TGS1: variants seen among roughly 807,000 people sequenced by gnomAD.
The protein encoded by TGS1 is trimethylguanosine synthase 1, also known as trimethylguanosine synthase.
In TGS1, 69 loss-of-function variants were observed where a neutral mutation model predicts 92.2. The ratio of observed to expected loss-of-function variants is 0.75; its 90% CI spans 0.62 to 0.91. TGS1 has a LOEUF of 0.91. Ranked by LOEUF, TGS1 falls within the 40% of genes least tolerant of loss-of-function variation. The pLI, the probability that TGS1 is intolerant of heterozygous loss-of-function variation, is 0.00. For missense variants in TGS1, 1,062 were observed against 1,001.2 expected (o/e 1.06, Z -0.82); for synonymous variants, 345 against 338.1 (o/e 1.02, Z -0.22).
At chr8:55,799,881 C>T (rs1251791462) in intron 8 of TGS1, among the ~76,000 whole-genome samples, 1 of 152,020 alleles carries the variant, frequency 6.6e-6, no homozygotes, top group Non-Finnish European at 1.5e-5. Context: ...GGCTGGTTTC[C>T]TTTTGGTGTG....
intron 1 of TGS1, among the ~76,000 whole-genome samples, chr8:55,778,771 A>G (rs992066998): frequency 6.6e-6 from 1 of 152,208 alleles, no homozygotes; most frequent in African/African-American, 2.4e-5. Flanking sequence ...CTACTTGAAA[A>G]TGAAGCTGAT....
intron 12 of TGS1, among the ~76,000 whole-genome samples, chr8:55,814,167 CAAAATT>C (rs1178584262): frequency 6.6e-6 from 1 of 151,962 alleles, no homozygotes; most frequent in African/African-American, 2.4e-5. Context: ...ACACTGGTCT[CAAAATT>C]AAAGGCTCAA....
intron 1 of TGS1, among the ~76,000 whole-genome samples, chr8:55,781,753 T>C (rs2130112328): frequency 6.6e-6 from 1 of 152,348 alleles, no homozygotes; most frequent in East Asian, 1.9e-4. Context: ...GGATGTGAAA[T>C]AGAGCAAGTA....
chr8:55,791,626 C>G (rs1376731504), intron 5 of TGS1, among the ~76,000 whole-genome samples: 1 of 152,230 alleles, frequency 6.6e-6, no homozygotes, highest in African/African-American at 2.4e-5. Context: ...AACTAACTTT[C>G]TAAACAACGT....
Position 55,786,874 on chromosome 8 carries a change from C to T in TGS1, c.976C>T (p.Leu326=). The T allele has an allele frequency of 3.1e-6, 5 of 1,614,126 alleles. No individual in the cohort carries two copies. Among genetic ancestry groups the T allele is most frequent in the African/African-American group, 1.3e-5 (1 of 75,042 alleles). Residue 326 remains leucine, a synonymous_variant, in exon 4 of 13, where the codon CTG becomes TTG. Transcript: ENST00000260129. ...EILDGISNIK[L]NSEEVTQSQL... ...ACTTGATGGAATTAGTAACATAAAA[C>T]TGAATTCAGAGGAAGTAACACAGAG...
At chr8:55,817,878 A>G (rs1803527860) in intron 12 of TGS1, among the ~76,000 whole-genome samples, 1 of 152,248 alleles carries the variant, frequency 6.6e-6, no homozygotes, top group Non-Finnish European at 1.5e-5. Context: ...AATACCCTGC[A>G]TTCATACACT....
At chr8:55,819,194 C>G (rs1803564449) in intron 12 of TGS1, among the ~76,000 whole-genome samples, 1 of 152,078 alleles carries the variant, frequency 6.6e-6, no homozygotes, top group Admixed American at 6.5e-5. Context: ...CTTCAGCCTC[C>G]CAAAGTTCTG....
chr8:55,787,107 G>T, intron 4 of TGS1, 47 bp downstream of exon 4: 1 of 1,386,944 alleles, frequency 7.2e-7, no homozygotes, highest in Non-Finnish European at 9.9e-7. Context: ...TTAGCAAAAT[G>T]AATTCATTTA....
At chr8:55,784,217 A>G (rs1811647810) in intron 2 of TGS1, among the ~76,000 whole-genome samples, 1 of 152,216 alleles carries the variant, frequency 6.6e-6, no homozygotes. Context: ...TGAATGGCAT[A>G]TGTTCAATTA....
rs1245921896 is a variant in TGS1 at position 55,798,899 on chromosome 8, A to G, written c.1543-15A>G. 3.2e-6 allele frequency: 5 copies of G among 1,576,152 alleles called. No homozygotes were observed. Among genetic ancestry groups the G allele is most frequent in the Non-Finnish European group, 4.3e-6 (5 of 1,160,740 alleles). On this transcript the variant is annotated splice_polypyrimidine_tract_variant and intron_variant, in intron 7 of 12. Transcript: ENST00000260129. ...GGAATTAATTCCTGCTCATGATGTCATCTTAAAATTTAAGGTAGAAAAATT... is the reference window on the plus strand; with the variant it reads ...GGAATTAATTCCTGCTCATGATGTCGTCTTAAAATTTAAGGTAGAAAAATT...
intron 4 of TGS1, among the ~76,000 whole-genome samples, chr8:55,788,782 ATTAGTATTC>A (rs1228283387): frequency 6.6e-6 from 1 of 152,106 alleles, no homozygotes; most frequent in African/African-American, 2.4e-5. Context: ...AAGATTTTAT[ATTAGTATTC>A]TGATACTCTT....
chr8:55,794,018 C>CTATGGT (rs780772100), intron 6 of TGS1, among the ~76,000 whole-genome samples: 93 of 152,240 alleles, frequency 6.1e-4, no homozygotes, highest in Admixed American at 2.3e-3. Flanking sequence ...GTACCATAGA[C>CTATGGT]ACTCTTTCTT....
Position 55,804,901 on chromosome 8 carries a change from T to A in TGS1, c.2008T>A (p.Phe670Ile), listed in dbSNP as rs766376666. Residue 670 changes from phenylalanine (F) to isoleucine (I), a missense_variant, in exon 10 of 13, where the codon TTT (phenylalanine) becomes ATT (isoleucine). Transcript: ENST00000260129. ...ATACTCTTCCTTTGCAGAGGGCTGG[T>A]TTTCAGTTACACCCGAGAAGATTGC... is the stretch of plus-strand genomic sequence containing the variant. ...DGIKLDREGWFSVTPEKIAEH... is the reference protein window; with the variant it reads ...DGIKLDREGWISVTPEKIAEH... 1.2e-6 allele frequency: 2 copies of A among 1,613,576 alleles called. No individual in the cohort carries two copies. The highest frequency in any genetic ancestry group is 4.5e-5 in the East Asian group (2 of 44,852).
At chr8:55,774,433 TTTTAATATAG>T (rs1402377308) in intron 1 of TGS1, among the ~76,000 whole-genome samples, 2 of 152,372 alleles carry the variant, frequency 1.3e-5, no homozygotes, top group African/African-American at 4.8e-5. Context: ...TGTGATAGAC[TTTTAATATAG>T]TTTAATATAG....
At chr8:55,782,155 T>G (rs1213013705) in intron 1 of TGS1, among the ~76,000 whole-genome samples, 4 of 8,036 alleles carry the variant, frequency 5.0e-4, no homozygotes, top group Non-Finnish European at 1.1e-3. Flanking sequence ...ACTTTATTTA[T>G]TTATTTATTT....
chr8:55,814,674 A>AAATATATAT (rs1254531524), intron 12 of TGS1, among the ~76,000 whole-genome samples: 15 of 123,330 alleles, frequency 1.2e-4, no homozygotes, highest in African/African-American at 4.3e-4. Flanking sequence ...AAAAAAAAAA[A>AAATATATAT]ATATATATAT....
At chr8:55,794,034 T>C (rs1338061343) in intron 6 of TGS1, among the ~76,000 whole-genome samples, 3 of 152,190 alleles carry the variant, frequency 2.0e-5, no homozygotes, top group Admixed American at 6.5e-5. Flanking sequence ...TTCTTGTTGG[T>C]AGAAACATTT....
intron 12 of TGS1, among the ~76,000 whole-genome samples, chr8:55,818,093 A>G (rs10958470): frequency 0.13 from 19,510 of 152,218 alleles, 1,316 homozygotes; most frequent in African/African-American, 0.16. Context: ...CCACTGACAC[A>G]ATGTTCATTA....
At chr8:55,809,348 A>G (rs1227750233) in intron 10 of TGS1, among the ~76,000 whole-genome samples, 1 of 152,068 alleles carries the variant, frequency 6.6e-6, no homozygotes, top group Non-Finnish European at 1.5e-5. Flanking sequence ...GATGACTTAT[A>G]TGTTCTATAT....
Sources: gnomAD v4.1 joint callset for allele counts (sites outside exome capture counted in the v4.1 genomes callset) on GRCh38, gnomAD v4.1.1 for gene constraint, MANE v1.5 for transcripts, NCBI Gene and HGNC (gene_info 2026-07-23, HGNC 2026-07-21) for gene names.